The following DCDC2 variants were observed in gnomAD, a reference collection of about 807,000 sequenced individuals.
The protein encoded by DCDC2 is doublecortin domain-containing protein 2.
In DCDC2, 40 loss-of-function variants were observed where a neutral mutation model predicts 50.2. The ratio of observed to expected loss-of-function variants is 0.80; its 90% CI spans 0.62 to 1.04. DCDC2 has a LOEUF of 1.04. DCDC2 is among the 50% of genes least tolerant of loss of function. The pLI, the probability that DCDC2 is intolerant of heterozygous loss-of-function variation, is 0.00. For synonymous variants in DCDC2, 234 were observed against 210.6 expected, an observed-to-expected ratio of 1.11 and a Z score of -0.96; for missense variants, 570 against 581.9, an observed-to-expected ratio of 0.98 and a Z score of 0.21.
chr6:24,361,234 G>A (rs1341433080), upstream of DCDC2, among the ~76,000 whole-genome samples: 1 of 152,086 alleles, frequency 6.6e-6, no homozygotes, highest in East Asian at 1.9e-4. Flanking sequence ...AGAACTCACG[G>A]ACACAAAGAA....
chr6:24,294,093 T>C (rs1308674008), intron 4 of DCDC2, among the ~76,000 whole-genome samples: 1 of 152,206 alleles, frequency 6.6e-6, no homozygotes, highest in East Asian at 1.9e-4. Flanking sequence ...CATGGTGTCT[T>C]ATGCCTATAA....
rs139262613 is a variant in DCDC2 at position 24,299,036 on chromosome 6, G to T, written c.557+2679C>A. ...ATTCTACCAAAAAGAAGCATGCACTGGTACGTTCACTGCCGTGCTATTCAC... is the reference window on the plus strand; with the variant it reads ...ATTCTACCAAAAAGAAGCATGCACTTGTACGTTCACTGCCGTGCTATTCAC... On this transcript the variant is annotated intron_variant, in intron 4 of 9. Coordinates refer to ENST00000378454, the MANE Select transcript of DCDC2 (RefSeq NM_016356.5). Among the ~76,000 whole-genome samples, 70 of 152,276 alleles carry T rather than the reference G, an allele frequency of 4.6e-4. No individual in the cohort carries two copies. In the East Asian group the frequency reaches 0.013, roughly 28 times the overall value.
At chr6:24,353,842 G>A (rs1760417868) in intron 1 of DCDC2, among the ~76,000 whole-genome samples, 6 of 152,150 alleles carry the variant, frequency 3.9e-5, no homozygotes, top group Admixed American at 3.9e-4. Context: ...TCAAGAGAAG[G>A]AAAGTCTTAG....
chr6:24,373,652 G>A, the DCDC2 span, among the ~76,000 whole-genome samples: 4 of 152,150 alleles, frequency 2.6e-5, no homozygotes, highest in African/African-American at 7.2e-5. Context: ...GGGACCTAGC[G>A]GGAGCACATG....
At chr6:24,287,990 C>T (rs1763649771) in intron 6 of DCDC2, among the ~76,000 whole-genome samples, 1 of 152,246 alleles carries the variant, frequency 6.6e-6, no homozygotes, top group African/African-American at 2.4e-5. Flanking sequence ...GAGTTCGGCA[C>T]TACTTATGTA....
At chr6:24,317,959 C>T (rs575648762) in intron 2 of DCDC2, among the ~76,000 whole-genome samples, 34 of 151,986 alleles carry the variant, frequency 2.2e-4, no homozygotes, top group African/African-American at 7.2e-4. Flanking sequence ...TACCATTTCT[C>T]ACCTACTAGA....
chr6:24,192,151 T>C (rs1004398156), intron 8 of DCDC2, among the ~76,000 whole-genome samples: 4 of 152,190 alleles, frequency 2.6e-5, no homozygotes, highest in Admixed American at 2.6e-4. Flanking sequence ...GACTCAAGTA[T>C]AGCTCAGAAC....
At chr6:24,254,301 T>C (rs1762850389) in intron 7 of DCDC2, among the ~76,000 whole-genome samples, 1 of 152,174 alleles carries the variant, frequency 6.6e-6, no homozygotes, top group Non-Finnish European at 1.5e-5. Context: ...TATAGCATAG[T>C]AAATAAACAA....
intron 7 of DCDC2, among the ~76,000 whole-genome samples, chr6:24,207,247 CATCT>C (rs138920502): frequency 0.016 from 1,885 of 117,252 alleles, 48 homozygotes; most frequent in African/African-American, 0.055. Flanking sequence ...TCCCTCACTC[CATCT>C]ATCTTTCTCT....
At chr6:24,179,319 G>A (rs10946684) in intron 8 of DCDC2, among the ~76,000 whole-genome samples, 12,362 of 151,698 alleles carry the variant, frequency 0.081, 659 homozygotes, top group East Asian at 0.17. Context: ...AGGCCGAGGC[G>A]GGCAGATCAT....
At position 24,357,648 on chromosome 6, in the gene DCDC2, C is replaced by G; in HGVS notation, c.103G>C (p.Val35Leu). The part of the protein sequence containing the change: ...GDPFYAGRRV[V>L]IHEKKVSSFE... ...CTGGACACCTTCTTCTCATGGATGA[C>G]GACGCGGCGCCCCGCGTAGAAGGGG... Residue 35 changes from valine (V) to leucine (L), a missense_variant, in exon 1 of 10, where the codon GTC (valine) becomes CTC (leucine). Coordinates refer to ENST00000378454, the MANE Select transcript of DCDC2 (RefSeq NM_016356.5). 3.7e-6 allele frequency: 6 copies of G among 1,613,448 alleles called. No homozygotes were observed. The highest frequency in any genetic ancestry group is 5.1e-6 in the Non-Finnish European group (6 of 1,180,022).
intron 7 of DCDC2, among the ~76,000 whole-genome samples, chr6:24,249,999 T>C (rs541557681): frequency 3.9e-4 from 60 of 152,326 alleles, no homozygotes; most frequent in Non-Finnish European, 2.5e-4. Flanking sequence ...ACTCATCAAT[T>C]AGGCACTGAC....
upstream of DCDC2, among the ~76,000 whole-genome samples, chr6:24,358,907 A>ATATATTC (rs1760556173): frequency 8.9e-5 from 2 of 22,506 alleles, no homozygotes; most frequent in African/African-American, 6.7e-4. Flanking sequence ...ATAATATATT[A>ATATATTC]TATATTATAT....
upstream of DCDC2, among the ~76,000 whole-genome samples, chr6:24,359,169 T>A (rs1458738835): frequency 1.5e-5 from 1 of 68,144 alleles, no homozygotes; most frequent in South Asian, 4.3e-4. Flanking sequence ...TTTATATATT[T>A]TATATATATT....
At chr6:24,273,674 G>C (rs1355471134) in intron 7 of DCDC2, among the ~76,000 whole-genome samples, 1 of 152,174 alleles carries the variant, frequency 6.6e-6, no homozygotes, top group East Asian at 1.9e-4. Context: ...CTTGTTACTG[G>C]GAACCATGCA....
intron 6 of DCDC2, among the ~76,000 whole-genome samples, chr6:24,285,440 C>A (rs1763581123): frequency 6.6e-6 from 1 of 152,120 alleles, no homozygotes. Context: ...TTTTATACTT[C>A]ATAAGTATCC....
chr6:24,273,789 C>T (rs1763292080), intron 7 of DCDC2, among the ~76,000 whole-genome samples: 1 of 152,228 alleles, frequency 6.6e-6, no homozygotes, highest in South Asian at 2.1e-4. Context: ...GCGATGCAGG[C>T]AAACCATGTG....
intron 7 of DCDC2, among the ~76,000 whole-genome samples, chr6:24,229,871 G>A (rs940837050): frequency 6.6e-6 from 1 of 152,090 alleles, no homozygotes; most frequent in Non-Finnish European, 1.5e-5. Flanking sequence ...GTCAGAGGGT[G>A]CCTATCCCAA....
chr6:24,358,512 T>TAAAAAA (rs966038766), upstream of DCDC2, among the ~76,000 whole-genome samples: 10 of 75,904 alleles, frequency 1.3e-4, no homozygotes, highest in African/African-American at 5.9e-5. Flanking sequence ...TCTCTACAAT[T>TAAAAAA]AAAAAAAAAA....
Sources: gnomAD v4.1 joint callset for allele counts (sites outside exome capture counted in the v4.1 genomes callset) on GRCh38, gnomAD v4.1.1 for gene constraint, MANE v1.5 for transcripts, NCBI Gene and HGNC (gene_info 2026-07-23, HGNC 2026-07-21) for gene names.